Variants in PTAR1 observed in about 807,000 individuals in gnomAD.
The protein encoded by PTAR1 is protein prenyltransferase alpha subunit repeat-containing protein 1.
A neutral mutation model predicts 45.5 loss-of-function variants in PTAR1; 17 were observed. The observed-to-expected ratio is 0.37, with a 90% CI of 0.26 to 0.56. The LOEUF (loss-of-function observed/expected upper bound fraction) is 0.56, where lower values mean the gene tolerates loss of function less well. Among genes scored for constraint, PTAR1 ranks in the 20% least tolerant of loss-of-function variants. The pLI is 0.77. For synonymous variants in PTAR1, 169 were observed against 171.3 expected, an observed-to-expected ratio of 0.99 and a Z score of 0.11; for missense variants, 391 against 476.3, an observed-to-expected ratio of 0.82 and a Z score of 1.67.
At chr9:69,729,377 A>G (rs1224515355) in intron 5 of PTAR1, among the ~76,000 whole-genome samples, 4 of 152,128 alleles carry the variant, frequency 2.6e-5, no homozygotes, top group Non-Finnish European at 4.4e-5. Context: ...TATTGTGAAT[A>G]TTTTCCTTTA....
chr9:69,747,803 T>G (rs1301512001), intron 2 of PTAR1, among the ~76,000 whole-genome samples: 1 of 152,104 alleles, frequency 6.6e-6, no homozygotes, highest in African/African-American at 2.4e-5. Flanking sequence ...CACACCAAAA[T>G]GTATCTAGAT....
In PTAR1 at chr9:69,723,570, T is replaced by C; in HGVS notation, c.703A>G (p.Ser235Gly). ...AAAAACTGGCGGTAGTGAAATCCAC[T>C]GTGGTCTGAAACGTGCATAGATGCC... ...HWASMHVSDH[S>G]GFHYRQFLLK... is the part of the protein sequence containing the mutation. Residue 235 changes from serine (S) to glycine (G), a missense_variant, in exon 6 of 8, where the codon AGT (serine) becomes GGT (glycine). Ser to Gly is a moderately conservative substitution (Grantham distance 56). This residue lies in a region of PTAR1 where 181 missense variants were observed against 227.7 expected (regional missense o/e 0.80). Transcript: ENST00000340434. 1 of 1,613,844 alleles carries C rather than the reference T, an allele frequency of 6.2e-7. No individual in the cohort carries two copies. The highest frequency in any genetic ancestry group is 1.7e-5 in the Admixed American group (1 of 60,014).
chr9:69,732,262 T>C lies in PTAR1; in HGVS notation c.519A>G (p.Ala173=). 6.2e-7 allele frequency: 1 copy of C among 1,613,862 alleles called. No individual in the cohort carries two copies. The highest frequency in any genetic ancestry group is 8.5e-7 in the Non-Finnish European group (1 of 1,179,792). ...CCATCTCTTCTTGTATGAGTCGCTG[T>C]GCCCTTTCTGTGGGAATTGTTCCCA... is the stretch of plus-strand genomic sequence containing the variant. The part of the protein sequence containing the change: ...GNLGTIPTER[A]QRLIQEEMEV... The change falls in exon 5 of 8, where the codon GCA becomes GCG. Residue 173 remains alanine (A), a synonymous_variant. Coordinates refer to ENST00000340434, the MANE Select transcript of PTAR1 (RefSeq NM_001099666.2).
rs373218381 is a variant in PTAR1 at position 69,718,293 on chromosome 9, A to C, written c.*49T>G. On this transcript the variant is annotated 3_prime_UTR_variant, in exon 8 of 8. Coordinates refer to ENST00000340434, the MANE Select transcript of PTAR1 (RefSeq NM_001099666.2). ...ATGCAACTATGTAAATAATAAAAGA[A>C]AGCAATATTGCACTAAAAGGGGAAC... The C allele has an allele frequency of 2.3e-6, 3 of 1,299,800 alleles. No individual in the cohort carries two copies. Among genetic ancestry groups the C allele is most frequent in the Non-Finnish European group, 3.2e-6 (3 of 940,940 alleles). 80.5% of individuals were successfully genotyped at this position (1,299,800 alleles called of 1,614,324 possible).
At chr9:69,757,006 A>T (rs1334914268) in intron 1 of PTAR1, 1 of 152,238 alleles carries the variant, frequency 6.6e-6, no homozygotes, top group Non-Finnish European at 1.5e-5. Context: ...CATATGGAAC[A>T]GCACAGACAC....
At chr9:69,735,028 C>T (rs570455469) in intron 3 of PTAR1, among the ~76,000 whole-genome samples, 1 of 152,272 alleles carries the variant, frequency 6.6e-6, no homozygotes, top group Admixed American at 6.5e-5. Context: ...GTGCTTATAA[C>T]TTCTTTCTTT....
chr9:69,732,235 C>T lies in PTAR1; in HGVS notation c.546G>A (p.Glu182=), dbSNP rs1204865889. ...RAQRLIQEEM[E]VCGEAAGRYP... ...ATCTCCCTGCTGCTTCACCACAGAC[C>T]TCCATCTCTTCTTGTATGAGTCGCT... is the stretch of plus-strand genomic sequence containing the variant. Residue 182 remains glutamate (E), a synonymous_variant, in exon 5 of 8, where the codon GAG becomes GAA. Coordinates refer to ENST00000340434, the MANE Select transcript of PTAR1 (RefSeq NM_001099666.2). 6.2e-7 allele frequency: 1 copy of T among 1,613,844 alleles called. No homozygotes were observed. Among genetic ancestry groups the T allele is most frequent in the South Asian group, 1.1e-5 (1 of 91,086 alleles).
intron 3 of PTAR1, among the ~76,000 whole-genome samples, chr9:69,737,449 T>C (rs1258223625): frequency 6.6e-6 from 1 of 152,180 alleles, no homozygotes. Flanking sequence ...GGAGATACAA[T>C]TTCCACTCAC....
At chr9:69,726,417 T>G (rs775303397) in intron 5 of PTAR1, among the ~76,000 whole-genome samples, 29 of 152,138 alleles carry the variant, frequency 1.9e-4, no homozygotes, top group Non-Finnish European at 3.7e-4. Flanking sequence ...TTCCTGTGTT[T>G]GTTTCTACTC....
Position 69,734,242 on chromosome 9 carries a change from G to T in PTAR1, c.336C>A (p.Ile112=). 3 of 712,640 alleles carry T rather than the reference G, an allele frequency of 4.2e-6. No homozygotes were observed. The highest frequency in any genetic ancestry group is 6.9e-6 in the Non-Finnish European group (3 of 436,168). 44.1% of individuals were successfully genotyped at this position (712,640 alleles called of 1,614,324 possible). Residue 112 remains isoleucine (I), a synonymous_variant, in exon 4 of 8, where the codon ATC becomes ATA. Transcript: ENST00000340434. ...TAATTGGATTTAAAGTGCCAGAGAG[G>T]ATCAGCTCTTTCCTGTAAAAAAAAA... ...TTAWNVRKEL[I]LSGTLNPIKD... is the part of the protein sequence containing the mutation.
rs536657440 is a variant in PTAR1, at chr9:69,749,740, T to C, written c.256+1041A>G. 5.3e-5 allele frequency among the ~76,000 whole-genome samples: 8 copies of C among 152,232 alleles called. No individual in the cohort carries two copies. The South Asian group carries it at 1.7e-3, about 32-fold the overall frequency. ...TGACAGAAATTCAAGGAAATCAGTA[T>C]GTCATACATTAGGCAACACTCTTCT... On this transcript the variant is annotated intron_variant, in intron 2 of 7. Coordinates refer to ENST00000340434, the MANE Select transcript of PTAR1 (RefSeq NM_001099666.2).
At chr9:69,739,717 T>C (rs1354110983) in intron 3 of PTAR1, among the ~76,000 whole-genome samples, 1 of 152,196 alleles carries the variant, frequency 6.6e-6, no homozygotes, top group Non-Finnish European at 1.5e-5. Context: ...AAGTTGGTAG[T>C]TTGTTGCTCA....
At chr9:69,752,345 C>T (rs369997903) in intron 1 of PTAR1, among the ~76,000 whole-genome samples, 104 of 152,146 alleles carry the variant, frequency 6.8e-4, no homozygotes, top group African/African-American at 2.3e-3. Context: ...AAATAAAACC[C>T]CTCCTGGAAA....
chr9:69,756,898 C>T (rs559159709), intron 1 of PTAR1, among the ~76,000 whole-genome samples: 3 of 152,290 alleles, frequency 2.0e-5, no homozygotes, highest in East Asian at 3.9e-4. Context: ...GGAGCCACTA[C>T]GTACAAATCC....
At chr9:69,758,329 CT>C (rs1460565467) in intron 1 of PTAR1, 2 of 151,636 alleles carry the variant, frequency 1.3e-5, no homozygotes, top group Non-Finnish European at 2.9e-5. Context: ...GTAATTTCTT[CT>C]AGAAAAATAC....
intron 4 of PTAR1, among the ~76,000 whole-genome samples, chr9:69,733,846 T>C (rs926948511): frequency 2.0e-5 from 3 of 152,220 alleles, no homozygotes; most frequent in Admixed American, 2.0e-4. Flanking sequence ...GTATTTAATA[T>C]GTGCCAGGCA....
At chr9:69,745,262 C>T (rs1489520314) in intron 2 of PTAR1, among the ~76,000 whole-genome samples, 1 of 152,110 alleles carries the variant, frequency 6.6e-6, no homozygotes, top group Non-Finnish European at 1.5e-5. Context: ...ACAAAAAACC[C>T]CTTTGTAGTC....
At chr9:69,720,266 AAC>A (rs1290074063) in intron 6 of PTAR1, among the ~76,000 whole-genome samples, 3 of 152,216 alleles carry the variant, frequency 2.0e-5, no homozygotes, top group Admixed American at 6.5e-5. Context: ...TGATAAGCGA[AAC>A]ACAGTCTTAC....
chr9:69,754,725 T>A (rs36111386), intron 1 of PTAR1, among the ~76,000 whole-genome samples: 44,390 of 146,390 alleles, frequency 0.3, 7,755 homozygotes, highest in Admixed American at 0.4. Context: ...TATATATATT[T>A]TTTTTTTTTG....
Sources: allele counts gnomAD v4.1 joint callset (sites outside exome capture counted in the v4.1 genomes callset), GRCh38; gene constraint gnomAD v4.1.1; regional missense constraint gnomAD v4.1.1; transcripts MANE v1.5; gene names NCBI Gene and HGNC (gene_info 2026-07-23, HGNC 2026-07-21).